TMSB15B: variants seen among roughly 807,000 people sequenced by gnomAD.
TMSB15B encodes the protein thymosin beta-15B.
At chrX:103,923,236 G>C (rs79932827) in intron 1 of TMSB15B, among the ~76,000 whole-genome samples, 4,140 of 111,996 alleles carry the variant, frequency 0.037, 203 homozygotes, top group African/African-American at 0.13. Context: ...TGGATCATTT[G>C]TTGCCATTGC....
intron 1 of TMSB15B, among the ~76,000 whole-genome samples, chrX:103,938,172 A>G (rs1322551139): frequency 9.0e-6 from 1 of 111,671 alleles, no homozygotes; most frequent in Non-Finnish European, 1.9e-5. Context: ...GTAGATGTCT[A>G]TTAGGTCCAC....
intron 1 of TMSB15B, among the ~76,000 whole-genome samples, chrX:103,951,994 T>C (rs2075040313): frequency 9.0e-6 from 1 of 111,220 alleles, no homozygotes; most frequent in Non-Finnish European, 1.9e-5. Context: ...CATGAGTGAG[T>C]AACTGAAGTG....
At chrX:103,953,486 C>T (rs1602444707) in intron 1 of TMSB15B, among the ~76,000 whole-genome samples, 1 of 112,686 alleles carries the variant, frequency 8.9e-6, no homozygotes, top group African/African-American at 3.2e-5. Context: ...ACCTACTGGC[C>T]TGGAATTACA....
chrX:103,941,610 T>C (rs1344973408), intron 1 of TMSB15B, among the ~76,000 whole-genome samples: 1 of 112,009 alleles, frequency 8.9e-6, no homozygotes, highest in Non-Finnish European at 1.9e-5. Flanking sequence ...CCATGATTTT[T>C]CTTGGTAATG....
chrX:103,943,774 T>C (rs1451861574), intron 1 of TMSB15B, among the ~76,000 whole-genome samples: 1 of 111,607 alleles, frequency 9.0e-6, no homozygotes. Context: ...TTTCTCCTCT[T>C]CCTGGAATTC....
At chrX:103,934,027 A>C (rs2074991276) in intron 1 of TMSB15B, among the ~76,000 whole-genome samples, 1 of 111,429 alleles carries the variant, frequency 9.0e-6, no homozygotes, top group Admixed American at 9.5e-5. Context: ...CTATTTTGAA[A>C]TACACAATAA....
chrX:103,944,847 G>A (rs1293373329), intron 1 of TMSB15B, among the ~76,000 whole-genome samples: 4 of 111,804 alleles, frequency 3.6e-5, no homozygotes, highest in African/African-American at 6.5e-5. Flanking sequence ...AGGCTGGAGC[G>A]CAGTGGTGTG....
chrX:103,927,978 C>A, intron 1 of TMSB15B: 1 of 429,011 alleles, frequency 2.3e-6, no homozygotes, highest in East Asian at 3.8e-5. Context: ...ACCTGAGTTT[C>A]TTAGGGTTCA....
At chrX:103,927,030 AT>A (rs1256196134) in intron 1 of TMSB15B, among the ~76,000 whole-genome samples, 1 of 108,912 alleles carries the variant, frequency 9.2e-6, no homozygotes, top group South Asian at 4.1e-4. Flanking sequence ...CTGAGCATTC[AT>A]TTTTTTTCGA....
Position 103,928,607 on chromosome X carries a change from C to T in TMSB15B, c.-721+9315C>T, listed in dbSNP as rs1473418215. On this transcript the variant is annotated intron_variant, in intron 1 of 3. Transcript: ENST00000419165. ...TCTTATGGGCTTTGGGGGCGGCTGT[C>T]ACGGGGCTACTACCATGGTTTCTGG... is the stretch of plus-strand genomic sequence containing the variant. The T allele has an allele frequency of 6.0e-5, 70 of 1,160,876 alleles. No individual in the cohort carries two copies. The African/African-American group carries it at 1.1e-3, about 19-fold the overall frequency.
intron 1 of TMSB15B, among the ~76,000 whole-genome samples, chrX:103,949,911 A>G (rs2075034789): frequency 8.9e-6 from 1 of 111,778 alleles, no homozygotes; most frequent in African/African-American, 3.3e-5. Context: ...AGGGGCCAGT[A>G]AAGGAAACTG....
chrX:103,944,688 G>C (rs2075020837), intron 1 of TMSB15B, among the ~76,000 whole-genome samples: 1 of 112,212 alleles, frequency 8.9e-6, no homozygotes, highest in African/African-American at 3.2e-5. Context: ...AACTCAAACA[G>C]TACTTATTGT....
intron 1 of TMSB15B, among the ~76,000 whole-genome samples, chrX:103,939,433 C>T (rs782089588): frequency 1.7e-3 from 181 of 108,992 alleles, no homozygotes; most frequent in African/African-American, 5.8e-3. Flanking sequence ...TCCTTTCTTC[C>T]GCTTGATCGA....
intron 1 of TMSB15B, chrX:103,928,029 T>C (rs782687420): frequency 4.8e-6 from 3 of 628,261 alleles, no homozygotes; most frequent in South Asian, 8.1e-5. Context: ...ACGGAATTAA[T>C]TGGTCGCTCT....
chrX:103,923,024 T>TC (rs1556318113), intron 1 of TMSB15B, among the ~76,000 whole-genome samples: 1 of 112,331 alleles, frequency 8.9e-6, no homozygotes, highest in Non-Finnish European at 1.9e-5. Flanking sequence ...AGTGTCCATA[T>TC]CCTTCACCCA....
At chrX:103,938,829 G>A in intron 1 of TMSB15B, among the ~76,000 whole-genome samples, 1 of 112,004 alleles carries the variant, frequency 8.9e-6, no homozygotes. Flanking sequence ...TCCTTCAGGA[G>A]GTGTTGTAAG....
intron 1 of TMSB15B, chrX:103,928,610 G>T (rs138937800): frequency 8.4e-5 from 98 of 1,163,298 alleles, no homozygotes; most frequent in Admixed American, 8.8e-5. Context: ...CGGCTGTCAC[G>T]GGGCTACTAC....
Position 103,919,947 on chromosome X carries a change from A to G in TMSB15B, c.-721+655A>G, listed in dbSNP as rs782469532. The stretch of plus-strand genomic sequence containing the variant: ...CCATCTCAACAGCAGTCTCAATGTG[A>G]TGATAGTGCTGAGGGAGGGGGTGAG... On this transcript the variant is annotated intron_variant, in intron 1 of 3. Coordinates refer to the TMSB15B transcript ENST00000419165. 6.3e-5 allele frequency among the ~76,000 whole-genome samples: 7 copies of G among 111,647 alleles called. No homozygotes were observed. In the South Asian group the frequency reaches 2.3e-3, roughly 36 times the overall value.
intron 1 of TMSB15B, among the ~76,000 whole-genome samples, chrX:103,954,125 T>C: frequency 8.9e-6 from 1 of 112,317 alleles, no homozygotes; most frequent in Admixed American, 9.4e-5. Context: ...ATTGGCAAGA[T>C]AGCTGATGTG....
Sources: gnomAD v4.1 joint callset for allele counts (sites outside exome capture counted in the v4.1 genomes callset) on GRCh38, gnomAD v4.1.1 for gene constraint, MANE v1.5 for transcripts, NCBI Gene and HGNC (gene_info 2026-07-23, HGNC 2026-07-21) for gene names.